KIRREL3: variants seen among roughly 807,000 people sequenced by gnomAD.
The protein encoded by KIRREL3 is kirre like nephrin family adhesion molecule 3, also known as kin of IRRE-like protein 3.
A neutral mutation model predicts 89.7 loss-of-function variants in KIRREL3; 36 were observed. The observed-to-expected ratio is 0.40, with a 90% CI of 0.31 to 0.53. The LOEUF (loss-of-function observed/expected upper bound fraction) is 0.53. Among genes scored for constraint, KIRREL3 ranks in the 20% least tolerant of loss-of-function variants. The probability of loss-of-function intolerance (pLI) is 0.49; values close to 1 mark genes in which losing one functional copy is unlikely to be tolerated. For synonymous variants in KIRREL3, 445 were observed against 441.4 expected, an observed-to-expected ratio of 1.01 and a Z score of -0.10; for missense variants, 864 against 1,056.6, an observed-to-expected ratio of 0.82 and a Z score of 2.53.
chr11:126,956,998 A>G (rs544706348), intron 1 of KIRREL3, among the ~76,000 whole-genome samples: 1 of 152,148 alleles, frequency 6.6e-6, no homozygotes, highest in Non-Finnish European at 1.5e-5. Context: ...CATGCACGCG[A>G]TCTGATTCTG....
At chr11:126,616,779 C>T (rs1265870531) in intron 1 of KIRREL3, among the ~76,000 whole-genome samples, 1 of 152,182 alleles carries the variant, frequency 6.6e-6, no homozygotes, top group Non-Finnish European at 1.5e-5. Context: ...GTAGCTGAGA[C>T]TACAGGTGCA....
Position 126,860,522 on chromosome 11 carries a change from C to T in KIRREL3, c.55+139933G>A, listed in dbSNP as rs917297532. ...GGAGAAGTGCATGACCTTCTCAAGA[C>T]GTAGTGATTGCTCTGGGTGTGGCCA... On this transcript the variant is annotated intron_variant, in intron 1 of 16. Transcript: ENST00000525144. This position sits in a 1 kb window ranked among gnomAD's most constrained non-coding sequence, Gnocchi z 4.6. Among the ~76,000 whole-genome samples the T allele has an allele frequency of 3.3e-5, 5 of 152,130 alleles. No homozygotes were observed. Among genetic ancestry groups the T allele is most frequent in the Admixed American group, 6.5e-5 (1 of 15,272 alleles).
intron 1 of KIRREL3, among the ~76,000 whole-genome samples, chr11:126,654,005 C>T (rs150745010): frequency 4.1e-4 from 63 of 152,308 alleles, no homozygotes; most frequent in Middle Eastern, 6.8e-3. Context: ...TCAGTCACAG[C>T]GAGGCCACAG....
intron 1 of KIRREL3, among the ~76,000 whole-genome samples, chr11:126,630,070 C>A (rs987320630): frequency 3.3e-5 from 5 of 152,158 alleles, no homozygotes; most frequent in African/African-American, 7.2e-5. Flanking sequence ...TCATGTTATT[C>A]CTGGGATCCT....
Position 126,879,055 on chromosome 11 carries a change from C to T in KIRREL3, c.55+121400G>A, listed in dbSNP as rs1005346554. 6.6e-6 allele frequency among the ~76,000 whole-genome samples: 1 copy of T among 152,204 alleles called. No individual in the cohort carries two copies. Among genetic ancestry groups the T allele is most frequent in the African/African-American group, 2.4e-5 (1 of 41,450 alleles). On this transcript the variant is annotated intron_variant, in intron 1 of 16. Coordinates refer to ENST00000525144, the MANE Select transcript of KIRREL3 (RefSeq NM_032531.4). This position sits in a 1 kb window ranked among gnomAD's most constrained non-coding sequence, Gnocchi z 5.4. ...ACAGCTAAGCAATCTTTGTCAATTA[C>T]AGGGCATTACTCTGCAGGCCAACCG...
chr11:126,966,339 C>T (rs566022129), intron 1 of KIRREL3, among the ~76,000 whole-genome samples: 7 of 152,156 alleles, frequency 4.6e-5, no homozygotes, highest in South Asian at 2.1e-4. Flanking sequence ...GAATTTTTGC[C>T]GATTGTCAGA....
chr11:126,503,927 C>CA (rs1383640728), intron 4 of KIRREL3, among the ~76,000 whole-genome samples: 2 of 152,072 alleles, frequency 1.3e-5, no homozygotes, highest in Admixed American at 6.6e-5. Context: ...GCTCCAGACA[C>CA]AGTCTGGAGA....
At chr11:126,426,282 T>C (rs931204321) in intron 15 of KIRREL3, among the ~76,000 whole-genome samples, 3 of 152,182 alleles carry the variant, frequency 2.0e-5, no homozygotes, top group Admixed American at 6.5e-5. Flanking sequence ...GCTGGCGACA[T>C]GGGCCACACC....
chr11:126,924,258 T>C lies in KIRREL3; in HGVS notation c.55+76197A>G, dbSNP rs1395965374. On this transcript the variant is annotated intron_variant, in intron 1 of 16. Transcript: ENST00000525144. The surrounding 1 kb of genome is among the most constrained non-coding windows in gnomAD (Gnocchi z 4.7). ...ACGCAACTGGTTTTCCCACCTTCAGTTTTCCCTTCTAGCTCGCTCACTCTC... is the reference window on the plus strand; with the variant it reads ...ACGCAACTGGTTTTCCCACCTTCAGCTTTCCCTTCTAGCTCGCTCACTCTC... Among the ~76,000 whole-genome samples, 2 of 152,176 alleles carry C rather than the reference T, an allele frequency of 1.3e-5. No individual in the cohort carries two copies. Among genetic ancestry groups the C allele is most frequent in the East Asian group, 3.9e-4 (2 of 5,172 alleles).
Position 126,453,375 on chromosome 11 carries a change from C to T in KIRREL3, c.848+2974G>A, listed in dbSNP as rs1044270267. ...CATCTGCAGTGACATCCCCATGCCA[C>T]CCAGGCCTCCTTTCCAGGCACTGGG... On this transcript the variant is annotated intron_variant, in intron 7 of 16. Transcript: ENST00000525144. Among the ~76,000 whole-genome samples, 38 of 152,214 alleles carry T rather than the reference C, an allele frequency of 2.5e-4. 1 individual carries two copies. The highest frequency in any genetic ancestry group is 9.1e-4 in the African/African-American group (38 of 41,534).
In KIRREL3 at chr11:126,587,540, G is replaced by A. The variant is rs1234767264; in HGVS notation, c.56-24628C>T. 6.6e-6 allele frequency among the ~76,000 whole-genome samples: 1 copy of A among 152,188 alleles called. No individual in the cohort carries two copies. Among genetic ancestry groups the A allele is most frequent in the African/African-American group, 2.4e-5 (1 of 41,430 alleles). On this transcript the variant is annotated intron_variant, in intron 1 of 16. Transcript: ENST00000525144. The surrounding 1 kb of genome is among the most constrained non-coding windows in gnomAD (Gnocchi z 5.2). ...CTTCACTGTGCTCTCGACTCCCCCA[G>A]CCTTTCATTGTATGTGGAAGAGGAG...
intron 1 of KIRREL3, among the ~76,000 whole-genome samples, chr11:126,735,597 T>C (rs1398171154): frequency 6.6e-6 from 1 of 152,152 alleles, no homozygotes; most frequent in Non-Finnish European, 1.5e-5. Context: ...GAAGGTGGCT[T>C]TGGAGGTAAC....
Position 126,476,972 on chromosome 11 carries a change from C to T in KIRREL3, c.434-3506G>A, listed in dbSNP as rs1045049447. On this transcript the variant is annotated intron_variant, in intron 4 of 16. Transcript: ENST00000525144. The surrounding 1 kb of genome is among the most constrained non-coding windows in gnomAD (Gnocchi z 6.4). ...GGCGTTAGCCTTTTCGTGATTAATCCGGAGATAAAAATAGTTGACTGTTTT... is the reference window on the plus strand; with the variant it reads ...GGCGTTAGCCTTTTCGTGATTAATCTGGAGATAAAAATAGTTGACTGTTTT... Among the ~76,000 whole-genome samples, 4 of 152,180 alleles carry T rather than the reference C, an allele frequency of 2.6e-5. No homozygotes were observed. Among genetic ancestry groups the T allele is most frequent in the East Asian group, 1.9e-4 (1 of 5,200 alleles).
At position 126,640,754 on chromosome 11, in the gene KIRREL3, GA is replaced by G. The variant is rs1337621892; in HGVS notation, c.56-77843del. 6.6e-6 allele frequency among the ~76,000 whole-genome samples: 1 copy of G among 152,120 alleles called. No homozygotes were observed. Among genetic ancestry groups the G allele is most frequent in the African/African-American group, 2.4e-5 (1 of 41,424 alleles). The stretch of plus-strand genomic sequence containing the variant: ...CTAACTCTGTATGAGGGGTCGCTCA[GA>G]ATGGAGGCATGCATGAAAGAATATT... On this transcript the variant is annotated intron_variant, in intron 1 of 16. Transcript: ENST00000525144. The surrounding 1 kb of genome is among the most constrained non-coding windows in gnomAD (Gnocchi z 4.9).
At position 126,891,499 on chromosome 11, in the gene KIRREL3, C is replaced by T. The variant is rs1056182781; in HGVS notation, c.55+108956G>A. On this transcript the variant is annotated intron_variant, in intron 1 of 16. Coordinates refer to ENST00000525144, the MANE Select transcript of KIRREL3 (RefSeq NM_032531.4). This position sits in a 1 kb window ranked among gnomAD's most constrained non-coding sequence, Gnocchi z 5.1. ...CCTGCAAAGTGGCTGTCTTTGAGAGCGCTCCACAGTCCCTGCCATGGATGG... is the reference window on the plus strand; with the variant it reads ...CCTGCAAAGTGGCTGTCTTTGAGAGTGCTCCACAGTCCCTGCCATGGATGG... Among the ~76,000 whole-genome samples, 9 of 152,164 alleles carry T rather than the reference C, an allele frequency of 5.9e-5. No individual in the cohort carries two copies. The highest frequency in any genetic ancestry group is 3.2e-3 in the Middle Eastern group (1 of 316).
At chr11:126,746,250 A>G (rs1003768331) in intron 1 of KIRREL3, among the ~76,000 whole-genome samples, 1 of 152,212 alleles carries the variant, frequency 6.6e-6, no homozygotes, top group African/African-American at 2.4e-5. Context: ...AACATGAATG[A>G]TGGGCCCTTG....
rs1227397107 is a variant in KIRREL3 at position 126,446,893 on chromosome 11, T to A, written c.998-7A>T. Reference sequence around the variant, plus strand: ...GTGGTCATCCGGGGCCCAACTGCGATGTGAGGAAGAAGAAGACAGGTTCAG... The same window carrying A: ...GTGGTCATCCGGGGCCCAACTGCGAAGTGAGGAAGAAGAAGACAGGTTCAG... On this transcript the variant is annotated splice_region_variant and splice_polypyrimidine_tract_variant and intron_variant, in intron 8 of 16. Coordinates refer to ENST00000525144, the MANE Select transcript of KIRREL3 (RefSeq NM_032531.4). The A allele has an allele frequency of 3.7e-6, 6 of 1,604,658 alleles. No individual in the cohort carries two copies. Among genetic ancestry groups the A allele is most frequent in the African/African-American group, 2.7e-5 (2 of 74,766 alleles).
rs1592322552 is a variant in KIRREL3 at position 126,904,934 on chromosome 11, TGGG to T, written c.55+95518_55+95520del. On this transcript the variant is annotated intron_variant, in intron 1 of 16. Coordinates refer to ENST00000525144, the MANE Select transcript of KIRREL3 (RefSeq NM_032531.4). This position sits in a 1 kb window ranked among gnomAD's most constrained non-coding sequence, Gnocchi z 4.4. ...ATAATAAATAACTGACTATCCATGATGGGGATGATGATGATGATGATGATGATG... is the reference window on the plus strand; with the variant it reads ...ATAATAAATAACTGACTATCCATGATGATGATGATGATGATGATGATGATG... Among the ~76,000 whole-genome samples, 2 of 139,244 alleles carry T rather than the reference TGGG, an allele frequency of 1.4e-5. No individual in the cohort carries two copies. Among genetic ancestry groups the T allele is most frequent in the East Asian group, 4.9e-4 (2 of 4,080 alleles). The allele number at this position is 139,244 out of a possible 152,430, so 91.3% of individuals were successfully genotyped here.
chr11:126,552,550 G>GTTTTTGTTT (rs1939351379), intron 2 of KIRREL3, among the ~76,000 whole-genome samples: 1 of 81,766 alleles, frequency 1.2e-5, no homozygotes, highest in African/African-American at 4.3e-5. Context: ...AGAGAGAAAA[G>GTTTTTGTTT]TTTTTTTTTT....
Sources: gnomAD v4.1 joint callset for allele counts (sites outside exome capture counted in the v4.1 genomes callset) on GRCh38, gnomAD v4.1.1 for gene constraint, Gnocchi (gnomAD v3.1) non-coding constraint, MANE v1.5 for transcripts, NCBI Gene and HGNC (gene_info 2026-07-23, HGNC 2026-07-21) for gene names.